Variants in GRM7 observed in about 807,000 individuals in gnomAD.
GRM7 encodes the protein metabotropic glutamate receptor 7.
A neutral mutation model predicts 84.5 loss-of-function variants in GRM7; 35 were observed. The observed-to-expected ratio is 0.41, with a 90% confidence interval of 0.32 to 0.55. GRM7 has a LOEUF of 0.55. Among genes scored for constraint, GRM7 ranks in the 20% least tolerant of loss-of-function variants. GRM7 has a pLI of 0.19. For synonymous variants in GRM7, 487 were observed against 455.1 expected (o/e 1.07, Z -0.89); for missense variants, 1,003 against 1,194.6 (o/e 0.84, Z 2.36).
intron 2 of GRM7, among the ~76,000 whole-genome samples, chr3:7,150,311 C>A (rs1169570354): frequency 6.6e-6 from 1 of 152,106 alleles, no homozygotes; most frequent in Non-Finnish European, 1.5e-5. Context: ...ACTTATAAAC[C>A]AGAGCCTAAA....
chr3:7,584,852 G>C (rs530606290), intron 8 of GRM7, among the ~76,000 whole-genome samples: 1 of 152,172 alleles, frequency 6.6e-6, no homozygotes, highest in East Asian at 1.9e-4. Context: ...TTCAAAATTT[G>C]TTTAATTTAG....
intron 1 of GRM7, among the ~76,000 whole-genome samples, chr3:6,864,540 T>A (rs1694877767): frequency 6.6e-6 from 1 of 152,162 alleles, no homozygotes; most frequent in Admixed American, 6.6e-5. Context: ...GATTTCTAGG[T>A]TCAGTTCAAT....
intron 9 of GRM7, among the ~76,000 whole-genome samples, chr3:7,707,935 T>C (rs1575656439): frequency 6.7e-6 from 1 of 150,056 alleles, no homozygotes; most frequent in East Asian, 1.9e-4. Context: ...TTTCAATTTT[T>C]TTTTTTTTTT....
chr3:7,654,387 T>C (rs1443933467), intron 8 of GRM7, among the ~76,000 whole-genome samples: 2 of 152,146 alleles, frequency 1.3e-5, no homozygotes, highest in Non-Finnish European at 2.9e-5. Flanking sequence ...GCTATCTCTA[T>C]AATTAAAGCA....
chr3:7,055,477 C>CTGTGTGTGTG (rs148298277), intron 1 of GRM7, among the ~76,000 whole-genome samples: 4 of 143,586 alleles, frequency 2.8e-5, no homozygotes, highest in African/African-American at 7.7e-5. Context: ...TTTTATATAT[C>CTGTGTGTGTG]TGTGTGTGTG....
chr3:7,366,158 A>G (rs78772280), intron 4 of GRM7, among the ~76,000 whole-genome samples: 10,594 of 151,728 alleles, frequency 0.07, 424 homozygotes, highest in African/African-American at 0.11. Flanking sequence ...CTAAAATCAT[A>G]CCTTCCATCC....
chr3:7,070,756 G>A (rs371896920), intron 1 of GRM7, among the ~76,000 whole-genome samples: 2 of 151,998 alleles, frequency 1.3e-5, no homozygotes, highest in African/African-American at 4.8e-5. Flanking sequence ...TTGTGACAAT[G>A]CAAGTTGAAA....
Position 7,580,511 on chromosome 3 carries a change from C to T in GRM7, c.2451+1154C>T, listed in dbSNP as rs548106306. Among the ~76,000 whole-genome samples the T allele has an allele frequency of 1.9e-3, 293 of 152,264 alleles. 3 individuals are homozygous for T. Among genetic ancestry groups the T allele is most frequent in the African/African-American group, 6.8e-3 (284 of 41,556 alleles). On this transcript the variant is annotated intron_variant, in intron 8 of 9. Coordinates refer to ENST00000357716, the MANE Select transcript of GRM7 (RefSeq NM_000844.4). ...AGATTACTCTAGTTTTTCTTTGTTACCTCTGTTCTCCATATAATCATACAA... is the reference window on the plus strand; with the variant it reads ...AGATTACTCTAGTTTTTCTTTGTTATCTCTGTTCTCCATATAATCATACAA...
At chr3:7,710,986 C>G (rs1701558822) in intron 9 of GRM7, among the ~76,000 whole-genome samples, 1 of 152,114 alleles carries the variant, frequency 6.6e-6, no homozygotes, top group African/African-American at 2.4e-5. Context: ...AGGAATGTCC[C>G]TCCTATGTAC....
At chr3:6,880,804 T>C (rs1462711675) in intron 1 of GRM7, among the ~76,000 whole-genome samples, 1 of 152,196 alleles carries the variant, frequency 6.6e-6, no homozygotes, top group Non-Finnish European at 1.5e-5. Flanking sequence ...ATGGCTATGG[T>C]TTCTCCAGAA....
intron 1 of GRM7, among the ~76,000 whole-genome samples, chr3:6,996,033 T>C (rs1221436653): frequency 2.0e-5 from 3 of 151,906 alleles, no homozygotes; most frequent in Middle Eastern, 3.4e-3. Flanking sequence ...CATGTCCTTT[T>C]CTGTGTTTAT....
intron 1 of GRM7, among the ~76,000 whole-genome samples, chr3:7,046,431 A>G (rs1027111473): frequency 2.0e-5 from 3 of 152,170 alleles, no homozygotes; most frequent in Admixed American, 2.0e-4. Flanking sequence ...GGAAAACCAC[A>G]TAAAGTTGTT....
At chr3:7,196,990 G>C (rs1013339173) in intron 2 of GRM7, among the ~76,000 whole-genome samples, 23 of 152,184 alleles carry the variant, frequency 1.5e-4, no homozygotes, top group South Asian at 1.0e-3. Context: ...TTAATAGATG[G>C]TTTTCTACCA....
chr3:7,404,176 G>C (rs965106871), intron 4 of GRM7, among the ~76,000 whole-genome samples: 18 of 152,164 alleles, frequency 1.2e-4, no homozygotes, highest in African/African-American at 4.3e-4. Flanking sequence ...CTTCCTCTAT[G>C]TCAGGGATAA....
In GRM7 at chr3:7,605,629, G is replaced by A. The variant is rs145873333; in HGVS notation, c.2451+26272G>A. ...CTGCAGTAGATTCTAGATAACTGCCGTTTTATAAAACTCCATAGGTAACAT... is the reference window on the plus strand; with the variant it reads ...CTGCAGTAGATTCTAGATAACTGCCATTTTATAAAACTCCATAGGTAACAT... On this transcript the variant is annotated intron_variant, in intron 8 of 9. Coordinates refer to ENST00000357716, the MANE Select transcript of GRM7 (RefSeq NM_000844.4). 5.5e-4 allele frequency among the ~76,000 whole-genome samples: 83 copies of A among 152,224 alleles called. No homozygotes were observed. In the East Asian group the frequency reaches 0.011, roughly 21 times the overall value.
At chr3:7,561,321 T>C (rs1468344082) in intron 7 of GRM7, 1 of 268,232 alleles carries the variant, frequency 3.7e-6, no homozygotes, top group Non-Finnish European at 7.7e-6. Flanking sequence ...TTGAATTTAG[T>C]GTGATTTATA....
At chr3:7,024,075 G>A (rs374207915) in intron 1 of GRM7, among the ~76,000 whole-genome samples, 55 of 152,208 alleles carry the variant, frequency 3.6e-4, no homozygotes, top group African/African-American at 1.2e-3. Context: ...AAGTGGCTCC[G>A]GTAACTTCTC....
chr3:7,488,763 T>C (rs1315322232), intron 7 of GRM7, among the ~76,000 whole-genome samples: 1 of 152,182 alleles, frequency 6.6e-6, no homozygotes. Flanking sequence ...ACTAACTCAG[T>C]GTTATGGGTC....
intron 1 of GRM7, among the ~76,000 whole-genome samples, chr3:7,078,621 C>T (rs1574871842): frequency 6.6e-6 from 1 of 152,134 alleles, no homozygotes; most frequent in Non-Finnish European, 1.5e-5. Flanking sequence ...CAAACCAAGT[C>T]ACATTTAATT....
Sources: allele counts gnomAD v4.1 joint callset (sites outside exome capture counted in the v4.1 genomes callset), GRCh38; gene constraint gnomAD v4.1.1; transcripts MANE v1.5; gene names NCBI Gene and HGNC (gene_info 2026-07-23, HGNC 2026-07-21).